METTL16: variants seen among roughly 807,000 people sequenced by gnomAD.
The protein encoded by METTL16 is methyltransferase 16, RNA N6-adenosine.
Under a neutral mutation model 57.9 loss-of-function variants are expected in METTL16, and 19 were observed. The observed-to-expected ratio is 0.33, with a 90% CI of 0.23 to 0.48. The LOEUF (loss-of-function observed/expected upper bound fraction) is 0.48. METTL16 is among the 20% of genes least tolerant of loss of function. The probability of loss-of-function intolerance (pLI) is 0.99; values close to 1 mark genes in which losing one functional copy is unlikely to be tolerated. For missense variants in METTL16, 434 were observed against 691.5 expected, an observed-to-expected ratio of 0.63 and a Z score of 4.18; for synonymous variants, 246 against 255.6, an observed-to-expected ratio of 0.96 and a Z score of 0.36.
intron 8 of METTL16, chr17:2,424,098 TTTTA>T (rs2066790396): frequency 4.0e-5 from 3 of 75,708 alleles, no homozygotes; most frequent in Admixed American, 1.6e-4. Flanking sequence ...TTTTATTTTA[TTTTA>T]TTTTATTTTA....
chr17:2,480,100 C>T (rs1196234816), intron 2 of METTL16, among the ~76,000 whole-genome samples: 1 of 150,808 alleles, frequency 6.6e-6, no homozygotes, highest in Non-Finnish European at 1.5e-5. Context: ...GCAGGAGAAT[C>T]GCTTGAACCC....
At chr17:2,509,264 T>C (rs1348557122) in intron 1 of METTL16, among the ~76,000 whole-genome samples, 1 of 152,230 alleles carries the variant, frequency 6.6e-6, no homozygotes, top group Non-Finnish European at 1.5e-5. Flanking sequence ...TTGAGGGGAT[T>C]AGTAGTCACC....
At chr17:2,503,164 T>C (rs1597474798) in intron 1 of METTL16, among the ~76,000 whole-genome samples, 1 of 152,236 alleles carries the variant, frequency 6.6e-6, no homozygotes, top group Non-Finnish European at 1.5e-5. Context: ...CATAGTAGTA[T>C]CATTCCCAAG....
intron 8 of METTL16, among the ~76,000 whole-genome samples, chr17:2,422,717 C>T (rs1009042064): frequency 1.3e-5 from 2 of 151,454 alleles, no homozygotes; most frequent in Admixed American, 6.6e-5. Context: ...GGTGTGGTGG[C>T]TTATGCCTGT....
At chr17:2,487,003 CAAAAAA>C (rs11397318) in intron 2 of METTL16, among the ~76,000 whole-genome samples, 3 of 57,414 alleles carry the variant, frequency 5.2e-5, no homozygotes, top group Admixed American at 2.8e-4. Context: ...GATCCTGTCT[CAAAAAA>C]AAAAAAAAAA....
chr17:2,476,956 CAAAAAAA>C (rs34519562), intron 3 of METTL16, among the ~76,000 whole-genome samples: 1 of 116,266 alleles, frequency 8.6e-6, no homozygotes, highest in African/African-American at 3.5e-5. Flanking sequence ...AATTCCGTTT[CAAAAAAA>C]AAAAAAAATC....
chr17:2,425,746 G>C (rs1233881783), intron 8 of METTL16, among the ~76,000 whole-genome samples: 2 of 151,904 alleles, frequency 1.3e-5, no homozygotes, highest in African/African-American at 2.4e-5. Context: ...GAGTGCAGTG[G>C]CGCAATTACG....
intron 1 of METTL16, among the ~76,000 whole-genome samples, chr17:2,508,935 T>C (rs1312532974): frequency 1.3e-5 from 2 of 152,172 alleles, no homozygotes; most frequent in South Asian, 2.1e-4. Context: ...CCATCTCCTA[T>C]TCTTACTGCC....
intron 5 of METTL16, among the ~76,000 whole-genome samples, chr17:2,467,033 G>A (rs1322085983): frequency 6.6e-6 from 1 of 151,898 alleles, no homozygotes; most frequent in Non-Finnish European, 1.5e-5. Context: ...TTTGAACTCC[G>A]AGCTCAAGCT....
At chr17:2,455,087 CTT>C (rs954892604) in intron 6 of METTL16, 380 of 111,898 alleles carry the variant, frequency 3.4e-3, no homozygotes, top group South Asian at 0.011. Flanking sequence ...TGCCCAGGTA[CTT>C]TTTTTTTTTT....
intron 4 of METTL16, among the ~76,000 whole-genome samples, chr17:2,471,925 GC>G (rs2067237897): frequency 6.6e-6 from 1 of 151,808 alleles, no homozygotes; most frequent in Admixed American, 6.6e-5. Context: ...ACCAGCCTGG[GC>G]AACATGGTGA....
chr17:2,426,699 A>T (rs1199419772), intron 8 of METTL16, among the ~76,000 whole-genome samples: 1 of 131,956 alleles, frequency 7.6e-6, no homozygotes, highest in Non-Finnish European at 1.7e-5. Flanking sequence ...ACTGGACTCC[A>T]ACCTGGGTGA....
In METTL16 at chr17:2,477,837, G is replaced by T; in HGVS notation, c.177C>A (p.Leu59=). Reference sequence around the variant, plus strand: ...TAGAAAGTCCAAAATCTTCCCTTAGGAGAGTACACGTCAGAGCTCTGACTG... The same window carrying T: ...TAGAAAGTCCAAAATCTTCCCTTAGTAGAGTACACGTCAGAGCTCTGACTG... ...PEAVRALTCT[L]LREDFGLSID... The change falls in exon 3 of 10, where the codon CTC becomes CTA. Residue 59 remains leucine, a synonymous_variant. Coordinates refer to ENST00000263092, the MANE Select transcript of METTL16 (RefSeq NM_024086.4). The T allele has an allele frequency of 6.2e-7, 1 of 1,614,072 alleles. No individual in the cohort carries two copies. The highest frequency in any genetic ancestry group is 1.1e-5 in the South Asian group (1 of 91,082).
chr17:2,500,679 C>T (rs567703588), intron 2 of METTL16, among the ~76,000 whole-genome samples: 1 of 152,330 alleles, frequency 6.6e-6, no homozygotes, highest in East Asian at 1.9e-4. Context: ...CTGGGAATTT[C>T]CAATTCCCTC....
At chr17:2,492,668 G>T (rs1241963465) in intron 2 of METTL16, among the ~76,000 whole-genome samples, 1 of 151,946 alleles carries the variant, frequency 6.6e-6, no homozygotes, top group Non-Finnish European at 1.5e-5. Flanking sequence ...GAGGCAGGTG[G>T]ATCAAGAGGT....
At chr17:2,505,976 C>CT (rs76896497) in intron 1 of METTL16, among the ~76,000 whole-genome samples, 20,052 of 149,480 alleles carry the variant, frequency 0.13, 1,714 homozygotes, top group East Asian at 0.35. Context: ...GCAGGCTATT[C>CT]TTTTTTTTTT....
At chr17:2,507,269 T>C (rs1380612947) in intron 1 of METTL16, among the ~76,000 whole-genome samples, 1,792 of 61,714 alleles carry the variant, frequency 0.029, no homozygotes, top group Middle Eastern at 0.074. Flanking sequence ...CCCGGCCGCC[T>C]CTACTGGGAA....
At chr17:2,464,113 A>T in intron 6 of METTL16, 95 bp downstream of exon 6, 3 of 1,320,178 alleles carry the variant, frequency 2.3e-6, no homozygotes. Flanking sequence ...CAAGAGCAAG[A>T]CTCTGTCCCC....
chr17:2,479,491 G>C (rs1478023249), intron 2 of METTL16, among the ~76,000 whole-genome samples: 1 of 151,996 alleles, frequency 6.6e-6, no homozygotes, highest in Non-Finnish European at 1.5e-5. Context: ...TTTGAAGAAA[G>C]CAGAAAGTCA....
Sources: gnomAD v4.1 joint callset for allele counts (sites outside exome capture counted in the v4.1 genomes callset) on GRCh38, gnomAD v4.1.1 for gene constraint, MANE v1.5 for transcripts, NCBI Gene and HGNC (gene_info 2026-07-23, HGNC 2026-07-21) for gene names.